HDAC9: variants seen among roughly 807,000 people sequenced by gnomAD.
The protein encoded by HDAC9 is histone deacetylase 9.
In HDAC9, 41 loss-of-function variants were observed where a neutral mutation model predicts 139.4. The ratio of observed to expected loss-of-function variants is 0.29; its 90% CI spans 0.23 to 0.38. The LOEUF (loss-of-function observed/expected upper bound fraction) is 0.38, where lower values mean the gene tolerates loss of function less well. Ranked by LOEUF, HDAC9 falls within the 10% of genes least tolerant of loss-of-function variation. The pLI is 1.00. For missense variants in HDAC9, 1,147 were observed against 1,297.0 expected (o/e 0.88, Z 1.78); for synonymous variants, 517 against 476.2 (o/e 1.09, Z -1.12).
intron 1 of HDAC9, among the ~76,000 whole-genome samples, chr7:18,146,330 T>A (rs1786322584): frequency 1.3e-5 from 2 of 152,182 alleles, no homozygotes; most frequent in Non-Finnish European, 2.9e-5. Flanking sequence ...TTACCTTCCA[T>A]TTTAGGTATG....
At chr7:18,234,399 CTAA>C (rs1793678045) in intron 2 of HDAC9, among the ~76,000 whole-genome samples, 1 of 152,170 alleles carries the variant, frequency 6.6e-6, no homozygotes, top group Non-Finnish European at 1.5e-5. Context: ...AGTGGCCAAA[CTAA>C]TGTTATTTCT....
intron 12 of HDAC9, among the ~76,000 whole-genome samples, chr7:18,723,688 T>C (rs1205355788): frequency 5.3e-5 from 8 of 150,282 alleles, no homozygotes; most frequent in Non-Finnish European, 8.9e-5. Flanking sequence ...TCAGTGAAGC[T>C]CAAGTAGAAC....
intron 1 of HDAC9, among the ~76,000 whole-genome samples, chr7:18,374,434 C>T (rs973539578): frequency 1.3e-5 from 2 of 151,986 alleles, no homozygotes; most frequent in South Asian, 2.1e-4. Flanking sequence ...TAGCCTACTA[C>T]ACACCTAGGC....
intron 22 of HDAC9, among the ~76,000 whole-genome samples, chr7:18,889,674 C>T (rs1158777329): frequency 1.3e-5 from 2 of 152,066 alleles, no homozygotes; most frequent in Non-Finnish European, 2.9e-5. Flanking sequence ...CTTTATAGGA[C>T]CAACACATGG....
chr7:18,294,013 GTT>G (rs1464946028), intron 1 of HDAC9, among the ~76,000 whole-genome samples: 2 of 152,048 alleles, frequency 1.3e-5, no homozygotes, highest in Non-Finnish European at 1.5e-5. Context: ...ATAAAGCATT[GTT>G]TTCCCTTGAG....
chr7:18,864,702 C>T (rs1275768659), intron 21 of HDAC9, among the ~76,000 whole-genome samples: 3 of 151,430 alleles, frequency 2.0e-5, no homozygotes, highest in Non-Finnish European at 4.4e-5. Flanking sequence ...GCTCTACTTA[C>T]AGAGACAGAA....
chr7:18,960,275 A>T (rs938325622), intron 24 of HDAC9, among the ~76,000 whole-genome samples: 5 of 152,110 alleles, frequency 3.3e-5, no homozygotes, highest in Admixed American at 6.6e-5. Context: ...TCCCTGGGAG[A>T]TGAGAGGCAA....
At chr7:18,711,469 A>G (rs1369414961) in intron 12 of HDAC9, among the ~76,000 whole-genome samples, 1 of 152,190 alleles carries the variant, frequency 6.6e-6, no homozygotes, top group Non-Finnish European at 1.5e-5. Context: ...TGCTGTCACA[A>G]TAGTCCTAAC....
intron 1 of HDAC9, among the ~76,000 whole-genome samples, chr7:18,127,892 C>T (rs1427444691): frequency 1.3e-5 from 2 of 149,758 alleles, no homozygotes; most frequent in Non-Finnish European, 3.0e-5. Context: ...ATTTTGAAGA[C>T]AATTTTCGTG....
intron 16 of HDAC9, among the ~76,000 whole-genome samples, chr7:18,777,317 A>C (rs896181057): frequency 1.5e-5 from 2 of 132,164 alleles, no homozygotes; most frequent in Non-Finnish European, 3.2e-5. Flanking sequence ...AAATGTCCTG[A>C]CATTTGCATG....
At chr7:18,294,340 C>T (rs531887270) in intron 1 of HDAC9, among the ~76,000 whole-genome samples, 105 of 152,122 alleles carry the variant, frequency 6.9e-4, no homozygotes, top group African/African-American at 2.3e-3. Flanking sequence ...GTGGTTTCTT[C>T]ACCTGTAAAA....
chr7:18,170,525 A>G (rs1020379979), intron 2 of HDAC9, among the ~76,000 whole-genome samples: 9 of 151,552 alleles, frequency 5.9e-5, no homozygotes, highest in South Asian at 2.1e-4. Flanking sequence ...GCCCATGCCT[A>G]TGTCCTGAAT....
At chr7:18,788,067 G>A (rs1791972154) in intron 16 of HDAC9, among the ~76,000 whole-genome samples, 1 of 152,112 alleles carries the variant, frequency 6.6e-6, no homozygotes, top group South Asian at 2.1e-4. Context: ...AACACTCAGG[G>A]TTCCATGGCA....
At chr7:18,960,849 T>C (rs1293402058) in intron 24 of HDAC9, among the ~76,000 whole-genome samples, 3 of 152,006 alleles carry the variant, frequency 2.0e-5, no homozygotes, top group Admixed American at 2.0e-4. Flanking sequence ...AAAATCCAAA[T>C]TGTTTCTAAG....
intron 17 of HDAC9, among the ~76,000 whole-genome samples, chr7:18,828,233 A>G (rs1220028026): frequency 6.6e-6 from 1 of 152,214 alleles, no homozygotes; most frequent in Non-Finnish European, 1.5e-5. Context: ...TTATTTCAAA[A>G]GTTTTAGGAT....
intron 12 of HDAC9, among the ~76,000 whole-genome samples, chr7:18,698,538 T>C (rs1783221940): frequency 6.6e-6 from 1 of 152,198 alleles, no homozygotes; most frequent in South Asian, 2.1e-4. Context: ...TCACCAATCT[T>C]TATGTGCCTT....
intron 22 of HDAC9, among the ~76,000 whole-genome samples, chr7:18,901,706 C>T (rs1801740781): frequency 6.6e-6 from 1 of 152,196 alleles, no homozygotes; most frequent in Non-Finnish European, 1.5e-5. Context: ...TCGTTTTAAA[C>T]ATTTCCTGAA....
At chr7:18,870,622 T>C (rs542399069) in intron 21 of HDAC9, among the ~76,000 whole-genome samples, 7 of 152,174 alleles carry the variant, frequency 4.6e-5, no homozygotes, top group Non-Finnish European at 8.8e-5. Context: ...TATGCAAATA[T>C]AATGATTGAC....
intron 7 of HDAC9, among the ~76,000 whole-genome samples, chr7:18,633,750 C>T (rs1783023324): frequency 6.6e-6 from 1 of 151,910 alleles, no homozygotes; most frequent in African/African-American, 2.4e-5. Context: ...TTAATTAGAG[C>T]TGAATAAATA....
Sources: allele counts gnomAD v4.1 joint callset (sites outside exome capture counted in the v4.1 genomes callset), GRCh38; gene constraint gnomAD v4.1.1; transcripts MANE v1.5; gene names NCBI Gene and HGNC (gene_info 2026-07-23, HGNC 2026-07-21).